Variants in CCDC192 observed in about 807,000 individuals in gnomAD.
The protein encoded by CCDC192 is coiled-coil domain containing 192, also known as coiled-coil domain-containing protein 192.
chr5:127,754,490 C>CAT, intron 3 of CCDC192, 115 bp downstream of exon 3: 2 of 347,366 alleles, frequency 5.8e-6, no homozygotes, highest in Non-Finnish European at 5.0e-6. Flanking sequence ...CACACACACA[C>CAT]ACATACACAC....
Position 127,709,202 on chromosome 5 carries a change from GGAGAGAGAGAGAGAGAGAGAGAGAGA to G in CCDC192, c.114+1463_114+1488del, listed in dbSNP as rs201676720. On this transcript the variant is annotated intron_variant, in intron 2 of 6. Transcript: ENST00000514853. ...GAGGGGGAGAGAGGTGGAGAGAGGG[GGAGAGAGAGAGAGAGAGAGAGAGAGA>G]GAGAGAGAGAGAGAGAGAGAAATGC... Among the ~76,000 whole-genome samples, 273 of 85,710 alleles carry G rather than the reference GGAGAGAGAGAGAGAGAGAGAGAGAGA, an allele frequency of 3.2e-3. 1 individual carries two copies. The highest frequency in any genetic ancestry group is 0.015 in the Middle Eastern group (2 of 130). The allele number at this position is 85,710 out of a possible 152,430, so 56.2% of individuals were successfully genotyped here.
At chr5:127,786,317 C>T (rs1756533119) in intron 3 of CCDC192, 2 of 623,632 alleles carry the variant, frequency 3.2e-6, no homozygotes, top group Non-Finnish European at 3.0e-6. Context: ...CTCTCTGTGA[C>T]ATAAAATCTC....
intron 5 of CCDC192, among the ~76,000 whole-genome samples, chr5:127,842,271 G>C (rs1750325178): frequency 6.6e-6 from 1 of 152,174 alleles, no homozygotes; most frequent in Non-Finnish European, 1.5e-5. Flanking sequence ...TTGGAGTACA[G>C]CAGTACTATC....
chr5:127,875,520 ATTT>A lies in CCDC192; in HGVS notation c.412-6_412-4del, dbSNP rs35102491. On this transcript the variant is annotated splice_polypyrimidine_tract_variant and intron_variant, in intron 5 of 6. Transcript: ENST00000514853. ...TCTGTCCCTAGTGATGGAAACTCTT[ATTT>A]TTTTTTTTTTTAAGAAACTAAAGCA... 3,660 of 349,390 alleles carry A rather than the reference ATTT, an allele frequency of 0.01. No individual in the cohort carries two copies. Among genetic ancestry groups the A allele is most frequent in the Non-Finnish European group, 0.013 (2,479 of 194,376 alleles). 21.6% of individuals were successfully genotyped at this position (349,390 alleles called of 1,614,324 possible).
At chr5:127,712,007 C>T (rs1313301683) in intron 2 of CCDC192, among the ~76,000 whole-genome samples, 1 of 152,096 alleles carries the variant, frequency 6.6e-6, no homozygotes, top group Non-Finnish European at 1.5e-5. Context: ...TCAAAAGTTA[C>T]TCATGCACCT....
intron 3 of CCDC192, chr5:127,786,087 G>T: frequency 1.3e-6 from 1 of 787,160 alleles, no homozygotes; most frequent in Non-Finnish European, 2.2e-6. Flanking sequence ...GATTATACAT[G>T]TGTCCCAAAT....
intron 6 of CCDC192, among the ~76,000 whole-genome samples, chr5:127,918,646 T>C (rs989974455): frequency 1.1e-4 from 17 of 152,212 alleles, no homozygotes; most frequent in African/African-American, 4.1e-4. Flanking sequence ...CATTAGGTTT[T>C]AGTAAATCAA....
intron 5 of CCDC192, among the ~76,000 whole-genome samples, chr5:127,801,972 G>C (rs1045975839): frequency 6.6e-6 from 1 of 152,116 alleles, no homozygotes. Flanking sequence ...GCCTGTGATT[G>C]GCTGAAGCTC....
intron 3 of CCDC192, chr5:127,784,977 A>G: frequency 2.1e-6 from 1 of 476,356 alleles, no homozygotes; most frequent in South Asian, 1.6e-5. Context: ...CAGCATTTAC[A>G]TTTTCATCTT....
At chr5:127,707,333 G>A (rs1174396005) in intron 1 of CCDC192, among the ~76,000 whole-genome samples, 1 of 150,448 alleles carries the variant, frequency 6.6e-6, no homozygotes, top group African/African-American at 2.4e-5. Context: ...GAGAGAGGGA[G>A]AGAGAACAGT....
chr5:127,881,040 C>T (rs1752332480), intron 6 of CCDC192, among the ~76,000 whole-genome samples: 1 of 152,146 alleles, frequency 6.6e-6, no homozygotes, highest in South Asian at 2.1e-4. Context: ...GCAACCCATA[C>T]CATGGGTATT....
intron 6 of CCDC192, among the ~76,000 whole-genome samples, chr5:127,889,825 C>G (rs1370488845): frequency 1.3e-5 from 2 of 152,190 alleles, no homozygotes; most frequent in African/African-American, 2.4e-5. Context: ...CTGCACACCT[C>G]TTTCTGAACT....
chr5:127,738,880 TC>T (rs777599731), intron 2 of CCDC192, among the ~76,000 whole-genome samples: 4 of 152,052 alleles, frequency 2.6e-5, no homozygotes, highest in Non-Finnish European at 4.4e-5. Context: ...TTGAATGTCC[TC>T]CCATAGCTCA....
chr5:127,758,775 A>G (rs1228702981), intron 3 of CCDC192, among the ~76,000 whole-genome samples: 5 of 152,218 alleles, frequency 3.3e-5, no homozygotes, highest in Admixed American at 2.0e-4. Flanking sequence ...AGAAGCCCAT[A>G]AAAAATAGTT....
At chr5:127,720,700 G>T (rs890259726) in intron 2 of CCDC192, among the ~76,000 whole-genome samples, 18 of 152,194 alleles carry the variant, frequency 1.2e-4, no homozygotes, top group African/African-American at 4.3e-4. Context: ...GGACATCCAG[G>T]CCTTTCCATA....
chr5:127,730,785 G>A (rs1752598726), intron 2 of CCDC192, among the ~76,000 whole-genome samples: 2 of 152,128 alleles, frequency 1.3e-5, no homozygotes, highest in South Asian at 4.2e-4. Flanking sequence ...TACCTCAATA[G>A]AAGCAGAAAA....
chr5:127,871,137 C>T (rs1043906806), intron 5 of CCDC192, among the ~76,000 whole-genome samples: 1 of 152,240 alleles, frequency 6.6e-6, no homozygotes, highest in African/African-American at 2.4e-5. Context: ...CACATCATTA[C>T]ACGCAGGCAG....
intron 3 of CCDC192, among the ~76,000 whole-genome samples, chr5:127,758,170 G>A (rs887274841): frequency 2.0e-5 from 3 of 152,110 alleles, no homozygotes; most frequent in African/African-American, 7.2e-5. Context: ...AACTCAGAAT[G>A]GAAAGTATAG....
In CCDC192 at chr5:127,820,593, G is replaced by A. The variant is rs139862692; in HGVS notation, c.411+22431G>A. 6.5e-3 allele frequency among the ~76,000 whole-genome samples: 984 copies of A among 152,130 alleles called. 17 individuals are homozygous for A. Among genetic ancestry groups the A allele is most frequent in the African/African-American group, 0.022 (912 of 41,530 alleles). Reference sequence around the variant, plus strand: ...TGAGACTCCATCTCAAAAAATATATGTATCTAAAATAAATAAATTTTAAAA... The same window carrying A: ...TGAGACTCCATCTCAAAAAATATATATATCTAAAATAAATAAATTTTAAAA... On this transcript the variant is annotated intron_variant, in intron 5 of 6. Transcript: ENST00000514853.
Sources: allele counts gnomAD v4.1 joint callset (sites outside exome capture counted in the v4.1 genomes callset), GRCh38; gene constraint gnomAD v4.1.1; transcripts MANE v1.5; gene names NCBI Gene and HGNC (gene_info 2026-07-23, HGNC 2026-07-21).